The following SAMSN1 variants were observed in gnomAD, a reference collection of about 807,000 sequenced individuals.
SAMSN1 encodes the protein SAM domain, SH3 domain and nuclear localization signals 1, also known as SAM domain-containing protein SAMSN-1.
SAMSN1 carries 31 observed loss-of-function variants against 42.0 expected under a neutral mutation model. The ratio of observed to expected loss-of-function variants is 0.74; its 90% confidence interval spans 0.55 to 1.00. SAMSN1 has a LOEUF of 1.00. SAMSN1 is among the 50% of genes least tolerant of loss of function. The pLI is 0.00. For synonymous variants in SAMSN1, 178 were observed against 151.9 expected (o/e 1.17, Z -1.26); for missense variants, 464 against 439.4 (o/e 1.06, Z -0.50).
In SAMSN1 at chr21:14,640,363, T is replaced by C. The variant is rs1430197275; in HGVS notation, c.156+2639A>G. On this transcript the variant is annotated intron_variant, in intron 2 of 15. Coordinates refer to the SAMSN1 transcript ENST00000647101. Reference sequence around the variant, plus strand: ...GAGTAACTCTCTTCTCTGGAAAGGTTACAAATACCCGGATTGAGGACTGGA... The same window carrying C: ...GAGTAACTCTCTTCTCTGGAAAGGTCACAAATACCCGGATTGAGGACTGGA... Among the ~76,000 whole-genome samples, 5 of 152,244 alleles carry C rather than the reference T, an allele frequency of 3.3e-5. No homozygotes were observed. The East Asian group carries it at 7.7e-4, about 24-fold the overall frequency.
chr21:14,530,344 A>ATAATCAGAAAT (rs1863928780), intron 1 of SAMSN1, among the ~76,000 whole-genome samples: 1 of 151,678 alleles, frequency 6.6e-6, no homozygotes, highest in South Asian at 2.1e-4. Context: ...AAAGAAAGAA[A>ATAATCAGAAAT]TAATCACCAA....
At position 14,642,377 on chromosome 21, in the gene SAMSN1, T is replaced by C. The variant is rs181104761; in HGVS notation, c.156+625A>G. ...GTTTGTAACACTTACCTTTTACAAA[T>C]GATGGTGTGTATCCATAAATTCAGG... On this transcript the variant is annotated intron_variant, in intron 2 of 15. Coordinates refer to the SAMSN1 transcript ENST00000647101. Among the ~76,000 whole-genome samples, 333 of 152,350 alleles carry C rather than the reference T, an allele frequency of 2.2e-3. 12 individuals are homozygous for C. The highest frequency in any genetic ancestry group is 2.4e-3 in the Non-Finnish European group (164 of 68,018).
intron 1 of SAMSN1, among the ~76,000 whole-genome samples, chr21:14,536,640 C>A (rs1327806368): frequency 6.6e-6 from 1 of 152,050 alleles, no homozygotes; most frequent in Non-Finnish European, 1.5e-5. Context: ...TTAAAAGGTG[C>A]ACTACGAATT....
At chr21:14,622,189 G>T (rs1056604467) in intron 2 of SAMSN1, among the ~76,000 whole-genome samples, 1 of 152,200 alleles carries the variant, frequency 6.6e-6, no homozygotes, top group African/African-American at 2.4e-5. Context: ...CAGCAGAAAA[G>T]CTGAAAATTC....
chr21:14,590,498 G>A (rs190911089), intron 7 of SAMSN1, among the ~76,000 whole-genome samples: 1 of 152,116 alleles, frequency 6.6e-6, no homozygotes, highest in Non-Finnish European at 1.5e-5. Flanking sequence ...GCCCAGGCTT[G>A]TCTTGAACTC....
rs1386304070 is a variant in SAMSN1, at chr21:14,658,657, C to T, written c.24+91G>A. On this transcript the variant is annotated intron_variant, in intron 1 of 15. Transcript: ENST00000647101. ...GATGCTAAGTGTATGAATATCATCA[C>T]ATAAGAAGTTTAGAATATATCCTAA... 8.6e-6 allele frequency: 6 copies of T among 694,832 alleles called. No homozygotes were observed. In the Admixed American group the frequency reaches 1.1e-4, roughly 12 times the overall value. The allele number at this position is 694,832 out of a possible 1,614,324, so 43.0% of individuals were successfully genotyped here. A position where few individuals can be genotyped will look rare whatever the true frequency, so the allele number is the denominator to read the frequency against.
chr21:14,524,698 G>C (rs1015285700), intron 1 of SAMSN1, among the ~76,000 whole-genome samples: 1 of 152,138 alleles, frequency 6.6e-6, no homozygotes, highest in South Asian at 2.1e-4. Flanking sequence ...AAGCTGTAAA[G>C]CCTAATGTTC....
intron 3 of SAMSN1, among the ~76,000 whole-genome samples, chr21:14,513,209 C>T (rs993144587): frequency 1.3e-5 from 2 of 152,146 alleles, no homozygotes; most frequent in Non-Finnish European, 2.9e-5. Context: ...CAATGTTTTC[C>T]ATATTTCAAT....
chr21:14,499,045 T>C (rs1394003235), intron 6 of SAMSN1, among the ~76,000 whole-genome samples: 1 of 152,206 alleles, frequency 6.6e-6, no homozygotes, highest in Non-Finnish European at 1.5e-5. Context: ...CAAAACATTC[T>C]TGGGGTAGGT....
chr21:14,558,855 T>TAAC (rs1304896332), intron 2 of SAMSN1, among the ~76,000 whole-genome samples: 6 of 152,246 alleles, frequency 3.9e-5, no homozygotes, highest in African/African-American at 9.6e-5. Context: ...TATTTTATTC[T>TAAC]AACAGCTTTC....
chr21:14,585,504 A>G (rs565719605), upstream of SAMSN1: 6 of 152,346 alleles, frequency 3.9e-5, no homozygotes, highest in African/African-American at 1.4e-4. Flanking sequence ...TTCCCCCAAG[A>G]GGAACTAAAG....
chr21:14,637,154 A>G (rs1437906886), intron 2 of SAMSN1, among the ~76,000 whole-genome samples: 2 of 152,228 alleles, frequency 1.3e-5, no homozygotes, highest in African/African-American at 4.8e-5. Context: ...CAACTTAGGA[A>G]GTGAATTTTA....
In SAMSN1 at chr21:14,517,016, C is replaced by A. The variant is rs1214431390; in HGVS notation, c.155G>T (p.Gly52Val). ...TEAHEGDPTN[G>V]SGEQSKTSNN... ...TGAAGTTTTACTTTGTTCTCCACTT[C>A]CATTTGTGGGATCTCCTTCATGTGC... The change falls in exon 3 of 8, where the codon GGA becomes GTA. Residue 52 changes from glycine to valine, a missense_variant. Gly to Val is a moderately radical substitution (Grantham distance 109, BLOSUM62 -3). Coordinates refer to ENST00000400566, the MANE Select transcript of SAMSN1 (RefSeq NM_022136.5). The A allele has an allele frequency of 6.2e-7, 1 of 1,612,646 alleles. No homozygotes were observed. Among genetic ancestry groups the A allele is most frequent in the Non-Finnish European group, 8.5e-7 (1 of 1,179,468 alleles).
intron 2 of SAMSN1, among the ~76,000 whole-genome samples, chr21:14,636,286 G>A (rs75887556): frequency 1.3e-5 from 2 of 152,030 alleles, no homozygotes; most frequent in Non-Finnish European, 2.9e-5. Context: ...TCCTACCATC[G>A]TTCCCTCTTC....
intron 2 of SAMSN1, among the ~76,000 whole-genome samples, chr21:14,574,352 T>C (rs1280696398): frequency 6.6e-6 from 1 of 152,228 alleles, no homozygotes; most frequent in African/African-American, 2.4e-5. Flanking sequence ...TGTTTTATGA[T>C]AACTTTAGGA....
rs1382481644 is a variant in SAMSN1, at chr21:14,609,554, T to C, written c.250A>G (p.Asn84Asp). The C allele has an allele frequency of 1.4e-5, 10 of 717,900 alleles. No individual in the cohort carries two copies. In the East Asian group the frequency reaches 2.7e-4, roughly 19 times the overall value. 44.5% of individuals were successfully genotyped at this position (717,900 alleles called of 1,614,324 possible). Reference sequence around the variant, plus strand: ...CTGTGTTCCTGCCAGATTTTGTCATTCACAGTTTTTCCTTCTAAAGTGAAG... The same window carrying C: ...CTGTGTTCCTGCCAGATTTTGTCATCCACAGTTTTTCCTTCTAAAGTGAAG... The change falls in exon 5 of 16, where the codon AAT (asparagine) becomes GAT (aspartate). Residue 84 changes from asparagine to aspartate, a missense_variant. Physicochemically the swap from Asn to Asp is conservative, Grantham distance 23. Transcript: ENST00000647101.
chr21:14,632,005 T>A (rs1489938915), intron 2 of SAMSN1, among the ~76,000 whole-genome samples: 1 of 152,198 alleles, frequency 6.6e-6, no homozygotes, highest in Non-Finnish European at 1.5e-5. Flanking sequence ...CTCTTGCTAC[T>A]AGAATAAGAT....
intron 3 of SAMSN1, among the ~76,000 whole-genome samples, chr21:14,514,575 G>A (rs1372474041): frequency 1.3e-5 from 2 of 152,156 alleles, no homozygotes; most frequent in Admixed American, 6.5e-5. Flanking sequence ...TTATATATAC[G>A]TGGTAATACA....
chr21:14,559,289 C>A (rs1397205960), intron 2 of SAMSN1, among the ~76,000 whole-genome samples: 5 of 152,116 alleles, frequency 3.3e-5, no homozygotes, highest in African/African-American at 9.7e-5. Context: ...CAGCAAAGGT[C>A]ATCTCTTCTG....
Sources: allele counts gnomAD v4.1 joint callset (sites outside exome capture counted in the v4.1 genomes callset), GRCh38; gene constraint gnomAD v4.1.1; transcripts MANE v1.5; gene names NCBI Gene and HGNC (gene_info 2026-07-23, HGNC 2026-07-21).